ABLIM3: variants seen among roughly 807,000 people sequenced by gnomAD.
The protein encoded by ABLIM3 is actin-binding LIM protein 3.
In ABLIM3, 61 loss-of-function variants were observed where a neutral mutation model predicts 109.5. The ratio of observed to expected loss-of-function variants is 0.56; its 90% CI spans 0.45 to 0.69. The LOEUF (loss-of-function observed/expected upper bound fraction) is 0.69, where lower values mean the gene tolerates loss of function less well. Ranked by LOEUF, ABLIM3 falls within the 30% of genes least tolerant of loss-of-function variation. The pLI is 0.00. For synonymous variants in ABLIM3, 300 were observed against 324.8 expected, an observed-to-expected ratio of 0.92 and a Z score of 0.82; for missense variants, 796 against 889.5, an observed-to-expected ratio of 0.89 and a Z score of 1.34.
chr5:149,167,109 C>G (rs1754907007), intron 2 of ABLIM3, among the ~76,000 whole-genome samples: 1 of 152,152 alleles, frequency 6.6e-6, no homozygotes. Flanking sequence ...TTCTAGAGTA[C>G]AACAGCTTTT....
At position 149,217,111 on chromosome 5, in the gene ABLIM3, T is replaced by C. The variant is rs565483694; in HGVS notation, c.757+65T>C. 1.9e-5 allele frequency: 27 copies of C among 1,438,860 alleles called. No individual in the cohort carries two copies. The South Asian group carries it at 3.0e-4, about 16-fold the overall frequency. The allele number at this position is 1,438,860 out of a possible 1,614,324, so 89.1% of individuals were successfully genotyped here. A position where few individuals can be genotyped will look rare whatever the true frequency, so the allele number is the denominator to read the frequency against. ...TCATGACTGGAAAGGAGATGCGATC[T>C]TCAGGTTCAGTGTTATCTTGGCTTC... is the stretch of plus-strand genomic sequence containing the variant. On this transcript the variant is annotated intron_variant, in intron 8 of 23. Transcript: ENST00000309868.
At chr5:149,169,771 G>A (rs1048265875) in intron 2 of ABLIM3, among the ~76,000 whole-genome samples, 2 of 152,160 alleles carry the variant, frequency 1.3e-5, no homozygotes, top group African/African-American at 4.8e-5. Flanking sequence ...CAGGGGCCAT[G>A]TTCACCTGGT....
At chr5:149,228,966 G>C (rs1056090742) in intron 8 of ABLIM3, among the ~76,000 whole-genome samples, 1 of 152,112 alleles carries the variant, frequency 6.6e-6, no homozygotes, top group Non-Finnish European at 1.5e-5. Flanking sequence ...CTGCCCTCTT[G>C]ATCTTTCCTA....
intron 15 of ABLIM3, 59 bp from the exon 16 acceptor site, chr5:149,244,822 A>G: frequency 6.2e-7 from 1 of 1,611,558 alleles, no homozygotes; most frequent in East Asian, 2.2e-5. Context: ...GGAAAAGGGT[A>G]CACAGTCCCA....
At chr5:149,147,542 A>G (rs1753050058) in intron 2 of ABLIM3, among the ~76,000 whole-genome samples, 3 of 152,164 alleles carry the variant, frequency 2.0e-5, no homozygotes, top group Admixed American at 6.5e-5. Context: ...TTTTGTGTAA[A>G]TACTGTATTT....
At chr5:149,241,027 G>C (rs560032292) in intron 14 of ABLIM3, among the ~76,000 whole-genome samples, 1 of 152,224 alleles carries the variant, frequency 6.6e-6, no homozygotes, top group Non-Finnish European at 1.5e-5. Flanking sequence ...CAGGGAGCTC[G>C]AGTGAGATAC....
intron 9 of ABLIM3, among the ~76,000 whole-genome samples, chr5:149,231,749 C>T (rs1236492725): frequency 1.3e-5 from 2 of 152,176 alleles, no homozygotes; most frequent in African/African-American, 2.4e-5. Flanking sequence ...CTTCAGTCAT[C>T]GTCTACAACC....
intron 10 of ABLIM3, among the ~76,000 whole-genome samples, chr5:149,235,567 T>C (rs1454181269): frequency 6.6e-6 from 1 of 152,176 alleles, no homozygotes; most frequent in African/African-American, 2.4e-5. Context: ...AATATAAATT[T>C]AGTGTTTTTG....
rs761377139 is a variant in ABLIM3, at chr5:149,210,807, C to T, written c.657C>T (p.Gly219=). The stretch of plus-strand genomic sequence containing the variant: ...AGACTTGTGACCGATACATCAGTGG[C>T]AGAGTCTTGGAGGTGAGTGGGTATA... The part of the protein sequence containing the change: ...KCETCDRYIS[G]RVLEAGGKHY... Residue 219 remains glycine, a synonymous_variant, in exon 7 of 24, where the codon GGC becomes GGT. Coordinates refer to ENST00000309868, the MANE Select transcript of ABLIM3 (RefSeq NM_014945.5). 3.1e-6 allele frequency: 5 copies of T among 1,614,030 alleles called. 1 individual carries two copies. The South Asian group carries it at 4.4e-5, about 14-fold the overall frequency.
At chr5:149,215,692 A>G (rs926421828) in intron 7 of ABLIM3, among the ~76,000 whole-genome samples, 2 of 152,162 alleles carry the variant, frequency 1.3e-5, no homozygotes, top group African/African-American at 4.8e-5. Context: ...ACCCTCCCCC[A>G]AAGAAAACCC....
chr5:149,183,829 A>G (rs112310962), intron 3 of ABLIM3, among the ~76,000 whole-genome samples: 118 of 152,318 alleles, frequency 7.7e-4, no homozygotes, highest in Middle Eastern at 3.4e-3. Context: ...ACCAGAAGGA[A>G]AAAGACTAAT....
At chr5:149,242,378 G>C in intron 14 of ABLIM3, 113 bp from the exon 15 acceptor site, 1 of 1,049,374 alleles carries the variant, frequency 9.5e-7, no homozygotes, top group East Asian at 2.4e-5. Context: ...GGAAAAAGTT[G>C]TTGCCCATCT....
Position 149,258,865 on chromosome 5 carries a change from T to C in ABLIM3, c.*461T>C, listed in dbSNP as rs1754677879. ...GTCTCCCCAAATCAGTGAGCACCTTTGAGCGCCCACGAAGAACTTTCTCAA... is the reference window on the plus strand; with the variant it reads ...GTCTCCCCAAATCAGTGAGCACCTTCGAGCGCCCACGAAGAACTTTCTCAA... On this transcript the variant is annotated 3_prime_UTR_variant, in exon 24 of 24. Coordinates refer to ENST00000309868, the MANE Select transcript of ABLIM3 (RefSeq NM_014945.5). The C allele has an allele frequency of 7.1e-6, 7 of 990,132 alleles. No individual in the cohort carries two copies. Among genetic ancestry groups the C allele is most frequent in the Non-Finnish European group, 8.4e-6 (7 of 833,278 alleles). The allele number at this position is 990,132 out of a possible 1,614,324, so 61.3% of individuals were successfully genotyped here.
intron 23 of ABLIM3, 93 bp downstream of exon 23, chr5:149,252,930 A>C: frequency 1.1e-6 from 1 of 936,324 alleles, no homozygotes. Flanking sequence ...GGGTGGAATG[A>C]GTGGCTTTAA....
At chr5:149,144,039 T>C (rs997838677) in intron 2 of ABLIM3, among the ~76,000 whole-genome samples, 1 of 151,902 alleles carries the variant, frequency 6.6e-6, no homozygotes, top group African/African-American at 2.4e-5. Flanking sequence ...TGAGTATTCC[T>C]GAAAGAAGGA....
At chr5:149,142,290 T>C (rs1336012958) in intron 2 of ABLIM3, among the ~76,000 whole-genome samples, 182 bp downstream of exon 2, 4 of 152,196 alleles carry the variant, frequency 2.6e-5, no homozygotes, top group Non-Finnish European at 5.9e-5. Flanking sequence ...GACTCTGGCT[T>C]TTCGTGATAA....
chr5:149,254,020 G>C (rs551533253), intron 23 of ABLIM3, among the ~76,000 whole-genome samples: 1 of 152,118 alleles, frequency 6.6e-6, no homozygotes, highest in African/African-American at 2.4e-5. Context: ...ACAGGGGAAC[G>C]CCCTTTATAA....
At position 149,250,523 on chromosome 5, in the gene ABLIM3, A is replaced by G. The variant is rs1433148021; in HGVS notation, c.1788+18A>G. On this transcript the variant is annotated intron_variant, in intron 20 of 23. Transcript: ENST00000309868. ...TGCACAGGGTAAGAAGCTGTGCTGG[A>G]GGATGGGGGAGGACGTTGTCCCCAA... 5 of 1,614,018 alleles carry G rather than the reference A, an allele frequency of 3.1e-6. No individual in the cohort carries two copies. The highest frequency in any genetic ancestry group is 3.3e-5 in the Admixed American group (2 of 60,026).
chr5:149,226,664 T>C (rs898497142), intron 8 of ABLIM3, among the ~76,000 whole-genome samples: 1 of 152,194 alleles, frequency 6.6e-6, no homozygotes, highest in Non-Finnish European at 1.5e-5. Flanking sequence ...TTTAAAATCA[T>C]GCTTACTAAA....
Sources: gnomAD v4.1 joint callset for allele counts (sites outside exome capture counted in the v4.1 genomes callset) on GRCh38, gnomAD v4.1.1 for gene constraint, MANE v1.5 for transcripts, NCBI Gene and HGNC (gene_info 2026-07-23, HGNC 2026-07-21) for gene names.